The following MEGF9 variants were observed in gnomAD, a reference collection of about 807,000 sequenced individuals.
MEGF9 encodes multiple EGF like domains 9.
MEGF9 carries 6 observed loss-of-function variants against 46.8 expected under a neutral mutation model. The ratio of observed to expected loss-of-function variants is 0.13; its 90% CI spans 0.07 to 0.25. The LOEUF is 0.25. Ranked by LOEUF, MEGF9 falls within the 10% of genes least tolerant of loss-of-function variation. The pLI is 1.00. For synonymous variants in MEGF9, 302 were observed against 330.7 expected, an observed-to-expected ratio of 0.91 and a Z score of 0.94; for missense variants, 683 against 792.4, an observed-to-expected ratio of 0.86 and a Z score of 1.66.
At position 120,703,351 on chromosome 9, in the gene MEGF9, C is replaced by G. The variant is rs183938714; in HGVS notation, c.601+10407G>C. On this transcript the variant is annotated intron_variant, in intron 1 of 5. Transcript: ENST00000373930. ...AGCAGAGGTATAACTGTGAACAAAA[C>G]AAATGGAAGTCCTGCCCTCATGGAG... Among the ~76,000 whole-genome samples, 436 of 152,244 alleles carry G rather than the reference C, an allele frequency of 2.9e-3. 7 individuals carry two copies. Among genetic ancestry groups the G allele is most frequent in the Non-Finnish European group, 3.6e-3 (248 of 68,008 alleles).
chr9:120,616,908 C>T (rs1015293008), intron 3 of MEGF9, among the ~76,000 whole-genome samples: 3 of 152,184 alleles, frequency 2.0e-5, no homozygotes, highest in Non-Finnish European at 4.4e-5. Context: ...CTCTTTATGT[C>T]TTAATTTCTT....
At chr9:120,661,565 T>G (rs972997724) in intron 1 of MEGF9, among the ~76,000 whole-genome samples, 4 of 152,180 alleles carry the variant, frequency 2.6e-5, no homozygotes, top group African/African-American at 9.7e-5. Flanking sequence ...GCAGCTTATT[T>G]GTTTATTTTA....
chr9:120,659,317 C>CT lies in MEGF9; in HGVS notation c.803+56dup, dbSNP rs1029125765. 5.0e-5 allele frequency: 74 copies of CT among 1,493,980 alleles called. 1 individual carries two copies. The highest frequency in any genetic ancestry group is 3.2e-4 in the South Asian group (26 of 81,236). 92.5% of individuals were successfully genotyped at this position (1,493,980 alleles called of 1,614,324 possible). ...CAGTATGGTCCTTGAGAGTAGCAGC[C>CT]TTTTTTTTCCCCTTGCTAAAATAAA... On this transcript the variant is annotated intron_variant, in intron 2 of 5. Coordinates refer to ENST00000373930, the MANE Select transcript of MEGF9 (RefSeq NM_001080497.3).
At chr9:120,648,277 G>A (rs554766798) in intron 2 of MEGF9, among the ~76,000 whole-genome samples, 9 of 151,180 alleles carry the variant, frequency 6.0e-5, no homozygotes, top group South Asian at 2.1e-4. Flanking sequence ...CATTCATTCT[G>A]TTCATTCATC....
rs546562782 is a variant in MEGF9, at chr9:120,614,811, A to C, written c.944-2272T>G. ...AATACCTGAAAAAAAAAAAGCTAAC[A>C]GTTCCATAGTAAAATTTGGATGTTC... On this transcript the variant is annotated intron_variant, in intron 3 of 5. Transcript: ENST00000373930. Among the ~76,000 whole-genome samples, 9 of 152,188 alleles carry C rather than the reference A, an allele frequency of 5.9e-5. No individual in the cohort carries two copies. In the East Asian group the frequency reaches 1.7e-3, roughly 29 times the overall value.
chr9:120,711,145 A>C (rs2043951183), intron 1 of MEGF9, among the ~76,000 whole-genome samples: 1 of 152,230 alleles, frequency 6.6e-6, no homozygotes, highest in Non-Finnish European at 1.5e-5. Context: ...AAAGTATTAG[A>C]GAATATAGTA....
Position 120,659,434 on chromosome 9 carries a change from G to A in MEGF9, c.743C>T (p.Ser248Phe), listed in dbSNP as rs763311157. 9 of 1,613,722 alleles carry A rather than the reference G, an allele frequency of 5.6e-6. No individual in the cohort carries two copies. The African/African-American group carries it at 9.3e-5, about 17-fold the overall frequency. Residue 248 changes from serine (S) to phenylalanine (F), a missense_variant, in exon 2 of 6, where the codon TCT (serine) becomes TTT (phenylalanine). By Grantham distance (155) the Ser-to-Phe change is radical. Transcript: ENST00000373930. ...CKEGFYLNYTSGLCQPCDCSP... is the reference protein window; with the variant it reads ...CKEGFYLNYTFGLCQPCDCSP... ...ACAGTCACATGGCTGACAGAGCCCA[G>A]AAGTGTAATTTAGGTAAAAGCCCTC...
At chr9:120,703,904 C>T (rs952229780) in intron 1 of MEGF9, among the ~76,000 whole-genome samples, 1 of 151,318 alleles carries the variant, frequency 6.6e-6, no homozygotes, top group African/African-American at 2.4e-5. Flanking sequence ...ACCTAAGAGG[C>T]AGAGGTTGCA....
chr9:120,618,389 G>A lies in MEGF9; in HGVS notation c.943+4227C>T, dbSNP rs150300801. Among the ~76,000 whole-genome samples, 124 of 152,312 alleles carry A rather than the reference G, an allele frequency of 8.1e-4. 1 individual carries two copies. The highest frequency in any genetic ancestry group is 2.9e-3 in the African/African-American group (119 of 41,564). On this transcript the variant is annotated intron_variant, in intron 3 of 5. Coordinates refer to ENST00000373930, the MANE Select transcript of MEGF9 (RefSeq NM_001080497.3). The stretch of plus-strand genomic sequence containing the variant: ...GGGGAGTAGAGGATTGGTCAACTCA[G>A]TCAAGCTGCTCAGGTCAAGTTACTC...
intron 2 of MEGF9, among the ~76,000 whole-genome samples, chr9:120,647,917 C>CTCTCTT (rs139823860): frequency 5.3e-5 from 8 of 152,086 alleles, no homozygotes; most frequent in African/African-American, 1.2e-4. Flanking sequence ...TGGGAGTCAT[C>CTCTCTT]TCTCTTTCTC....
chr9:120,695,603 CA>C (rs370281228), intron 1 of MEGF9, among the ~76,000 whole-genome samples: 867 of 18,596 alleles, frequency 0.047, 8 homozygotes, highest in East Asian at 0.09. Context: ...GACCCCATCT[CA>C]AAAAAAAAAA....
At chr9:120,628,289 C>CTTTCCACT (rs2043534566) in intron 2 of MEGF9, among the ~76,000 whole-genome samples, 1 of 152,224 alleles carries the variant, frequency 6.6e-6, no homozygotes, top group Admixed American at 6.5e-5. Context: ...GTTCCTCTGT[C>CTTTCCACT]TTTCCACAGT....
chr9:120,622,708 T>C lies in MEGF9; in HGVS notation c.851A>G (p.Asp284Gly), dbSNP rs777096086. ...CKVGVIGSIC[D>G]RCQDGYYGFS... The stretch of plus-strand genomic sequence containing the variant: ...GCCATAATATCCATCTTGGCATCGG[T>C]CACATATAGAGCCAATGACACCCAC... Residue 284 changes from aspartate to glycine, a missense_variant, in exon 3 of 6, where the codon GAC (aspartate) becomes GGC (glycine). Around this residue, in one of 2 missense-constraint regions of MEGF9, gnomAD observed 313 missense variants for 421.1 expected, o/e 0.74. Transcript: ENST00000373930. 26 of 1,613,726 alleles carry C rather than the reference T, an allele frequency of 1.6e-5. No homozygotes were observed. The highest frequency in any genetic ancestry group is 2.2e-5 in the Non-Finnish European group (26 of 1,179,826).
At position 120,665,884 on chromosome 9, in the gene MEGF9, T is replaced by G. The variant is rs570957069; in HGVS notation, c.602-6309A>C. On this transcript the variant is annotated intron_variant, in intron 1 of 5. Transcript: ENST00000373930. ...CCCCCAATGTGTGTTCTGGGCACCT[T>G]TATTGAAAATCAATTGGCTGTAAAT... Among the ~76,000 whole-genome samples the G allele has an allele frequency of 4.1e-4, 62 of 152,356 alleles. No homozygotes were observed. In the South Asian group the frequency reaches 0.012, roughly 29 times the overall value.
intron 3 of MEGF9, among the ~76,000 whole-genome samples, chr9:120,614,105 A>C (rs2132300085): frequency 6.6e-6 from 1 of 151,984 alleles, no homozygotes; most frequent in East Asian, 1.9e-4. Flanking sequence ...ACTCACTGCA[A>C]CCTCCATCTT....
At chr9:120,694,295 C>T (rs2043864688) in intron 1 of MEGF9, among the ~76,000 whole-genome samples, 1 of 152,220 alleles carries the variant, frequency 6.6e-6, no homozygotes, top group African/African-American at 2.4e-5. Context: ...ACAACTTAAC[C>T]TCATCTTAGA....
intron 3 of MEGF9, among the ~76,000 whole-genome samples, chr9:120,617,631 T>C (rs1013411541): frequency 5.3e-5 from 8 of 152,192 alleles, no homozygotes; most frequent in Non-Finnish European, 7.3e-5. Context: ...GAAAATGACA[T>C]GATCTGGTTT....
At chr9:120,622,831 A>G (rs975432612) in intron 2 of MEGF9, 76 bp from the exon 3 acceptor site, 4 of 1,465,758 alleles carry the variant, frequency 2.7e-6, no homozygotes, top group African/African-American at 1.4e-5. Flanking sequence ...CCAGAAGGGA[A>G]AGAAAGCCCA....
chr9:120,623,820 A>C (rs2043512302), intron 2 of MEGF9, among the ~76,000 whole-genome samples: 1 of 152,202 alleles, frequency 6.6e-6, no homozygotes, highest in South Asian at 2.1e-4. Flanking sequence ...AAAGAACATA[A>C]TGTACCTTTC....
Sources: gnomAD v4.1 joint callset for allele counts (sites outside exome capture counted in the v4.1 genomes callset) on GRCh38, gnomAD v4.1.1 for gene constraint, gnomAD v4.1.1 regional missense constraint, MANE v1.5 for transcripts, NCBI Gene and HGNC (gene_info 2026-07-23, HGNC 2026-07-21) for gene names.